UBXN2A: variants seen among roughly 807,000 people sequenced by gnomAD.
UBXN2A encodes UBX domain protein 2A, also known as UBX domain-containing protein 2A.
Under a neutral mutation model 28.4 loss-of-function variants are expected in UBXN2A, and 28 were observed. The ratio of observed to expected loss-of-function variants is 0.99; its 90% CI spans 0.73 to 1.35. The LOEUF (loss-of-function observed/expected upper bound fraction) is 1.35. Ranked by LOEUF, UBXN2A falls within the 40% of genes most tolerant of loss-of-function variation. The probability of loss-of-function intolerance (pLI) is 0.00; values close to 1 mark genes in which losing one functional copy is unlikely to be tolerated. For missense variants in UBXN2A, 253 were observed against 297.9 expected (o/e 0.85, Z 1.11); for synonymous variants, 97 against 103.6 (o/e 0.94, Z 0.39).
At chr2:23,990,345 T>C (rs905475065) in intron 6 of UBXN2A, among the ~76,000 whole-genome samples, 7 of 151,758 alleles carry the variant, frequency 4.6e-5, no homozygotes, top group Admixed American at 2.0e-4. Flanking sequence ...TTTTTTACTC[T>C]GCTTGGGACA....
intron 1 of UBXN2A, among the ~76,000 whole-genome samples, chr2:23,929,741 G>C (rs1045172050): frequency 6.6e-6 from 1 of 152,052 alleles, no homozygotes; most frequent in African/African-American, 2.4e-5. Context: ...AAAAAGGCTA[G>C]TGTCCTGCAG....
At chr2:23,967,922 G>C (rs1707242155) in intron 2 of UBXN2A, among the ~76,000 whole-genome samples, 1 of 151,952 alleles carries the variant, frequency 6.6e-6, no homozygotes, top group Non-Finnish European at 1.5e-5. Flanking sequence ...TAACAATATA[G>C]TGATGGCCTT....
chr2:23,936,925 C>A (rs1352367330), upstream of UBXN2A, among the ~76,000 whole-genome samples: 1 of 151,952 alleles, frequency 6.6e-6, no homozygotes, highest in Non-Finnish European at 1.5e-5. Flanking sequence ...TGCCCAGGCT[C>A]GTCTCGAACT....
At chr2:23,981,924 T>A (rs1707925969) in intron 4 of UBXN2A, among the ~76,000 whole-genome samples, 1 of 152,060 alleles carries the variant, frequency 6.6e-6, no homozygotes, top group East Asian at 1.9e-4. Flanking sequence ...TTAACAGAGA[T>A]ATCCAGTCTT....
chr2:23,941,678 A>G (rs1359066028), intron 1 of UBXN2A, among the ~76,000 whole-genome samples: 1 of 152,236 alleles, frequency 6.6e-6, no homozygotes, highest in Non-Finnish European at 1.5e-5. Context: ...ATTCAAAAAA[A>G]TTTTAGTACC....
In UBXN2A at chr2:24,001,800, A is replaced by G. The variant is rs1466633634; in HGVS notation, c.*1933A>G. On this transcript the variant is annotated 3_prime_UTR_variant, in exon 7 of 7. Coordinates refer to ENST00000309033, the MANE Select transcript of UBXN2A (RefSeq NM_181713.4). ...TGGTGAATCCCCGTCTCTACTAAAAATACAAAAAAAATTAGCTGGGTGTGG... is the reference window on the plus strand; with the variant it reads ...TGGTGAATCCCCGTCTCTACTAAAAGTACAAAAAAAATTAGCTGGGTGTGG... 1 of 151,810 alleles carries G rather than the reference A, an allele frequency of 6.6e-6. No homozygotes were observed. Among genetic ancestry groups the G allele is most frequent in the Non-Finnish European group, 1.5e-5 (1 of 67,998 alleles). 9.4% of individuals were successfully genotyped at this position (151,810 alleles called of 1,614,324 possible). A position where few individuals can be genotyped will look rare whatever the true frequency, so the allele number is the denominator to read the frequency against.
chr2:23,928,047 G>T (rs1187919611), intron 1 of UBXN2A, among the ~76,000 whole-genome samples: 1 of 151,712 alleles, frequency 6.6e-6, no homozygotes, highest in Non-Finnish European at 1.5e-5. Context: ...GTTGTGGTGG[G>T]CACCTGTAAT....
Position 23,999,659 on chromosome 2 carries a change from T to G in UBXN2A, c.585-13T>G. 1.3e-6 allele frequency: 2 copies of G among 1,588,992 alleles called. No individual in the cohort carries two copies. The highest frequency in any genetic ancestry group is 1.7e-6 in the Non-Finnish European group (2 of 1,173,940). ...TTCCTAAAATTATATTAATAGTTTT[T>G]GCTGTTTTACAGAGTAAGCCATATC... On this transcript the variant is annotated splice_polypyrimidine_tract_variant and intron_variant, in intron 6 of 6. Coordinates refer to ENST00000309033, the MANE Select transcript of UBXN2A (RefSeq NM_181713.4).
chr2:23,927,289 C>A (rs1394278166), upstream of UBXN2A: 1 of 152,468 alleles, frequency 6.6e-6, no homozygotes, highest in Non-Finnish European at 1.5e-5. Flanking sequence ...GTTTCCAGCT[C>A]TCCCCGACCG....
intron 6 of UBXN2A, among the ~76,000 whole-genome samples, chr2:23,989,041 T>C (rs907693020): frequency 4.7e-4 from 72 of 152,276 alleles, no homozygotes; most frequent in African/African-American, 1.7e-3. Context: ...GTACTAGATA[T>C]GCTTATTGCT....
intron 1 of UBXN2A, among the ~76,000 whole-genome samples, chr2:23,941,761 G>A (rs985707728): frequency 6.6e-6 from 1 of 152,066 alleles, no homozygotes; most frequent in African/African-American, 2.4e-5. Flanking sequence ...CAGTGTCATT[G>A]GGCAAAACAG....
rs1356793329 is a variant in UBXN2A, at chr2:23,934,816, G to A, written c.-137-4724G>A. Among the ~76,000 whole-genome samples the A allele has an allele frequency of 2.6e-5, 4 of 152,314 alleles. No individual in the cohort carries two copies. In the East Asian group the frequency reaches 5.8e-4, roughly 22 times the overall value. On this transcript the variant is annotated intron_variant, in intron 1 of 7. Transcript: ENST00000404924. The stretch of plus-strand genomic sequence containing the variant: ...AGGCTGGGTGTGGTAGCTCATGCCT[G>A]TAATCCCAGCACTTTGGGAGCCCAA...
At chr2:23,933,930 A>G (rs546377977) in intron 1 of UBXN2A, among the ~76,000 whole-genome samples, 1 of 152,240 alleles carries the variant, frequency 6.6e-6, no homozygotes, top group African/African-American at 2.4e-5. Context: ...AACTATTGAC[A>G]TTAGGCCGGG....
intron 1 of UBXN2A, among the ~76,000 whole-genome samples, chr2:23,934,616 T>G (rs1243447287): frequency 1.3e-5 from 2 of 152,220 alleles, no homozygotes; most frequent in African/African-American, 4.8e-5. Flanking sequence ...TATGTACCTA[T>G]GAAATAGCTA....
intron 1 of UBXN2A, among the ~76,000 whole-genome samples, chr2:23,956,906 T>C (rs998462596): frequency 2.6e-5 from 4 of 152,154 alleles, no homozygotes; most frequent in African/African-American, 7.2e-5. Flanking sequence ...CCCTGGAAGA[T>C]TGGTTCCAAG....
chr2:23,953,567 A>C (rs1242874678), intron 1 of UBXN2A, among the ~76,000 whole-genome samples: 1 of 152,184 alleles, frequency 6.6e-6, no homozygotes, highest in Non-Finnish European at 1.5e-5. Flanking sequence ...GATGTTACGG[A>C]TTCTTTCATA....
chr2:23,991,948 C>G (rs905811157), intron 6 of UBXN2A, among the ~76,000 whole-genome samples: 2 of 151,778 alleles, frequency 1.3e-5, no homozygotes, highest in African/African-American at 4.8e-5. Context: ...CCTGCCACCA[C>G]GCCTGGCTAA....
At chr2:23,930,197 G>A (rs775747221) in intron 1 of UBXN2A, among the ~76,000 whole-genome samples, 5 of 152,164 alleles carry the variant, frequency 3.3e-5, no homozygotes, top group African/African-American at 4.8e-5. Flanking sequence ...GGTAACAAAT[G>A]TTAATTTTAA....
chr2:23,953,557 G>T (rs1292518195), intron 1 of UBXN2A, among the ~76,000 whole-genome samples: 2 of 152,134 alleles, frequency 1.3e-5, no homozygotes, highest in African/African-American at 4.8e-5. Context: ...TCACTATTCA[G>T]ATGTTACGGA....
Sources: gnomAD v4.1 joint callset for allele counts (sites outside exome capture counted in the v4.1 genomes callset) on GRCh38, gnomAD v4.1.1 for gene constraint, MANE v1.5 for transcripts, NCBI Gene and HGNC (gene_info 2026-07-23, HGNC 2026-07-21) for gene names.